Variants in CLVS1 observed in about 807,000 individuals in gnomAD.
CLVS1 encodes clavesin-1.
CLVS1 carries 10 observed loss-of-function variants against 33.1 expected under a neutral mutation model. The observed-to-expected ratio is 0.30, with a 90% CI of 0.19 to 0.51. CLVS1 has a LOEUF of 0.51. CLVS1 is among the 20% of genes least tolerant of loss of function. The probability of loss-of-function intolerance (pLI) is 0.97; values close to 1 mark genes in which losing one functional copy is unlikely to be tolerated. For synonymous variants in CLVS1, 163 were observed against 166.1 expected, an observed-to-expected ratio of 0.98 and a Z score of 0.14; for missense variants, 343 against 433.4, an observed-to-expected ratio of 0.79 and a Z score of 1.85.
At chr8:61,230,218 G>A (rs1217460229) in intron 2 of CLVS1, among the ~76,000 whole-genome samples, 1 of 152,140 alleles carries the variant, frequency 6.6e-6, no homozygotes, top group Non-Finnish European at 1.5e-5. Flanking sequence ...CTACCGTGTA[G>A]CCTGTTTCTA....
At chr8:60,999,558 C>T in the CLVS1 span, among the ~76,000 whole-genome samples, 1 of 152,206 alleles carries the variant, frequency 6.6e-6, no homozygotes, top group Admixed American at 6.5e-5. Context: ...TAAATGAAAA[C>T]ATTAAAGCCC....
intron 5 of CLVS1, among the ~76,000 whole-genome samples, chr8:61,467,883 G>A (rs549643712): frequency 4.0e-4 from 61 of 152,300 alleles, no homozygotes; most frequent in African/African-American, 1.3e-3. Context: ...ATGTCATTTA[G>A]GGATCGTCAG....
At chr8:61,232,158 C>A (rs1353523600) in intron 2 of CLVS1, among the ~76,000 whole-genome samples, 1 of 146,874 alleles carries the variant, frequency 6.8e-6, no homozygotes, top group African/African-American at 2.5e-5. Flanking sequence ...CCTCAGCCTC[C>A]CACGTAGCTG....
chr8:61,089,564 A>G (rs1398441995), intron 1 of CLVS1, among the ~76,000 whole-genome samples: 3 of 152,204 alleles, frequency 2.0e-5, no homozygotes, highest in Non-Finnish European at 4.4e-5. Flanking sequence ...ACTTGCCAGC[A>G]ACGAGAACTC....
chr8:61,471,889 G>A (rs539885901), intron 5 of CLVS1, among the ~76,000 whole-genome samples: 8 of 152,196 alleles, frequency 5.3e-5, no homozygotes, highest in East Asian at 3.9e-4. Flanking sequence ...ATGCTTCTCC[G>A]CCTAACTCCC....
At chr8:61,080,908 G>A (rs764778888) in intron 1 of CLVS1, among the ~76,000 whole-genome samples, 7 of 152,186 alleles carry the variant, frequency 4.6e-5, no homozygotes, top group Non-Finnish European at 8.8e-5. Flanking sequence ...AAAAGAGGTG[G>A]TGTTTGAAGA....
At chr8:61,306,346 T>C (rs1810626108) in intron 2 of CLVS1, among the ~76,000 whole-genome samples, 1 of 152,170 alleles carries the variant, frequency 6.6e-6, no homozygotes, top group African/African-American at 2.4e-5. Flanking sequence ...TTTTTAGAGG[T>C]GTCTGTTCAT....
chr8:61,446,768 A>G (rs1816770716), intron 3 of CLVS1, among the ~76,000 whole-genome samples: 1 of 151,606 alleles, frequency 6.6e-6, no homozygotes, highest in Non-Finnish European at 1.5e-5. Context: ...AAACATTCAA[A>G]CCATAGTGCT....
chr8:61,279,640 G>A (rs1191871902), intron 2 of CLVS1, among the ~76,000 whole-genome samples: 1 of 152,224 alleles, frequency 6.6e-6, no homozygotes, highest in Non-Finnish European at 1.5e-5. Flanking sequence ...GAAGCTTTGG[G>A]AGGCCAGAAG....
chr8:61,069,233 G>A (rs866303268), intron 1 of CLVS1, among the ~76,000 whole-genome samples: 1 of 152,194 alleles, frequency 6.6e-6, no homozygotes, highest in African/African-American at 2.4e-5. Flanking sequence ...CTCCCAAAGT[G>A]CTGGGATTAC....
chr8:61,211,724 C>T (rs2129307409), intron 2 of CLVS1, among the ~76,000 whole-genome samples: 1 of 152,346 alleles, frequency 6.6e-6, no homozygotes, highest in Non-Finnish European at 1.5e-5. Context: ...TATGTTTCCT[C>T]TTACTTTGCA....
rs768841584 is a variant in CLVS1 at position 61,376,804 on chromosome 8, A to G, written c.630+25A>G. 1.9e-6 allele frequency: 3 copies of G among 1,580,134 alleles called. No homozygotes were observed. The Admixed American group carries it at 5.3e-5, about 28-fold the overall frequency. The stretch of plus-strand genomic sequence containing the variant: ...GGTATGTTCAATGAATGCGCAATAC[A>G]AGACCATGTGTGGCAACATACTTTT... On this transcript the variant is annotated intron_variant, in intron 3 of 5. Transcript: ENST00000325897.
intron 1 of CLVS1, among the ~76,000 whole-genome samples, chr8:61,107,802 GC>G (rs748289246): frequency 6.6e-6 from 1 of 152,092 alleles, no homozygotes; most frequent in Non-Finnish European, 1.5e-5. Context: ...CTCATTCCTT[GC>G]AGTTTTCAGA....
At chr8:61,274,102 A>C (rs1487461181) in intron 2 of CLVS1, 1 of 152,210 alleles carries the variant, frequency 6.6e-6, no homozygotes, top group African/African-American at 2.4e-5. Context: ...ATTCTGGCTA[A>C]AATTTCTTAA....
chr8:61,260,913 G>T (rs187531794), intron 2 of CLVS1, among the ~76,000 whole-genome samples: 1 of 152,296 alleles, frequency 6.6e-6, no homozygotes, highest in East Asian at 1.9e-4. Context: ...TGCAAACTTG[G>T]TGTGCTTGAG....
chr8:61,476,798 C>T (rs1344252045), intron 5 of CLVS1, among the ~76,000 whole-genome samples: 1 of 152,116 alleles, frequency 6.6e-6, no homozygotes, highest in Non-Finnish European at 1.5e-5. Flanking sequence ...TTTTCTTCTC[C>T]TGCCTGATTG....
intron 2 of CLVS1, among the ~76,000 whole-genome samples, chr8:61,239,792 G>C (rs974836998): frequency 5.9e-5 from 9 of 152,200 alleles, no homozygotes; most frequent in African/African-American, 2.2e-4. Flanking sequence ...CTTCCTCTGA[G>C]CCAGTTTTTA....
chr8:61,237,085 A>G (rs1226277506), intron 2 of CLVS1, among the ~76,000 whole-genome samples: 1 of 152,220 alleles, frequency 6.6e-6, no homozygotes, highest in East Asian at 1.9e-4. Context: ...CCAGGGGAGG[A>G]TGATCAGTAA....
chr8:61,237,566 A>G (rs965856804), intron 2 of CLVS1, among the ~76,000 whole-genome samples: 7 of 152,174 alleles, frequency 4.6e-5, no homozygotes, highest in African/African-American at 1.4e-4. Context: ...TCAATTACTA[A>G]CCTAAGAGCT....
Sources: allele counts gnomAD v4.1 joint callset (sites outside exome capture counted in the v4.1 genomes callset), GRCh38; gene constraint gnomAD v4.1.1; transcripts MANE v1.5; gene names NCBI Gene and HGNC (gene_info 2026-07-23, HGNC 2026-07-21).